Variants in BCAT1 observed in about 807,000 individuals in gnomAD.
The protein encoded by BCAT1 is branched chain amino acid transaminase 1.
In BCAT1, 48 loss-of-function variants were observed where a neutral mutation model predicts 52.4. That is an observed-to-expected ratio of 0.92 (90% CI 0.73 to 1.16). BCAT1 has a LOEUF of 1.16. Ranked by LOEUF, BCAT1 falls within the 50% of genes most tolerant of loss-of-function variation. The pLI is 0.00. For missense variants in BCAT1, 451 were observed against 457.1 expected, an observed-to-expected ratio of 0.99 and a Z score of 0.12; for synonymous variants, 167 against 161.3, an observed-to-expected ratio of 1.04 and a Z score of -0.27.
chr12:24,822,123 T>G (rs1940164782), intron 10 of BCAT1, among the ~76,000 whole-genome samples: 1 of 152,208 alleles, frequency 6.6e-6, no homozygotes, highest in South Asian at 2.1e-4. Flanking sequence ...TCTCCAAGTT[T>G]AAGTTTGGTT....
At chr12:24,829,767 T>C in intron 10 of BCAT1, 56 bp downstream of exon 10, 1 of 1,353,288 alleles carries the variant, frequency 7.4e-7, no homozygotes, top group Non-Finnish European at 1.0e-6. Flanking sequence ...AGAAATAAGG[T>C]GACATAAAAA....
rs990858367 is a variant in BCAT1, at chr12:24,848,687, T to TA, written c.674+1098dup. On this transcript the variant is annotated intron_variant, in intron 6 of 10. Coordinates refer to ENST00000261192, the MANE Select transcript of BCAT1 (RefSeq NM_005504.7). Reference sequence around the variant, plus strand: ...TGCTCTGCGAAGAAGTTTGAACCAGTAAAAAAAGAAATCAAGAGTCAAAAA... The same window carrying TA: ...TGCTCTGCGAAGAAGTTTGAACCAGTAAAAAAAAGAAATCAAGAGTCAAAAA... Among the ~76,000 whole-genome samples, 137 of 152,002 alleles carry TA rather than the reference T, an allele frequency of 9.0e-4. 1 individual carries two copies. The highest frequency in any genetic ancestry group is 2.5e-4 in the Non-Finnish European group (17 of 67,990).
intron 1 of BCAT1, among the ~76,000 whole-genome samples, chr12:24,915,685 T>C (rs1170749798): frequency 6.6e-6 from 1 of 152,240 alleles, no homozygotes; most frequent in Non-Finnish European, 1.5e-5. Flanking sequence ...GGCACAATGA[T>C]GTCTGGATTT....
intron 5 of BCAT1, among the ~76,000 whole-genome samples, chr12:24,855,802 AT>A (rs201450697): frequency 2.7e-5 from 4 of 147,608 alleles, no homozygotes; most frequent in Non-Finnish European, 6.0e-5. Flanking sequence ...TTTCTTTTTT[AT>A]TTTTTTTAGA....
chr12:24,851,628 T>A (rs1941513516), intron 5 of BCAT1, among the ~76,000 whole-genome samples: 1 of 152,206 alleles, frequency 6.6e-6, no homozygotes, highest in African/African-American at 2.4e-5. Context: ...GAGAAATCCG[T>A]CAGCAAGCAA....
At chr12:24,895,915 A>T (rs1397272021) in intron 2 of BCAT1, among the ~76,000 whole-genome samples, 8 of 152,236 alleles carry the variant, frequency 5.3e-5, no homozygotes, top group Admixed American at 5.2e-4. Context: ...TAAGGACAGA[A>T]TATTACTGTA....
Position 24,832,475 on chromosome 12 carries a change from CAGA to C in BCAT1, c.1044+245_1044+247del, listed in dbSNP as rs368695915. On this transcript the variant is annotated intron_variant, in intron 9 of 10. Coordinates refer to ENST00000261192, the MANE Select transcript of BCAT1 (RefSeq NM_005504.7). ...ATCCCAGCAACTCAGGAGGCTGAAG[CAGA>C]AGGATTGCGTGAGCCCAGGAGTTTG... is the stretch of plus-strand genomic sequence containing the variant. Among the ~76,000 whole-genome samples the C allele has an allele frequency of 2.0e-3, 307 of 152,262 alleles. 2 individuals carry two copies. Among genetic ancestry groups the C allele is most frequent in the African/African-American group, 7.2e-3 (300 of 41,548 alleles).
intron 10 of BCAT1, among the ~76,000 whole-genome samples, chr12:24,821,017 G>A (rs1448702802): frequency 2.0e-5 from 3 of 152,222 alleles, no homozygotes; most frequent in African/African-American, 7.2e-5. Flanking sequence ...AGGAGGATGT[G>A]CTGGAAACAG....
Position 24,898,903 on chromosome 12 carries a change from C to T in BCAT1, c.78+2911G>A, listed in dbSNP as rs867762406. ...TTCAAAAATCAAGTCTGTATTACAA[C>T]TGTATCAGACATTTAATAACTTTAT... On this transcript the variant is annotated intron_variant, in intron 2 of 10. Coordinates refer to ENST00000261192, the MANE Select transcript of BCAT1 (RefSeq NM_005504.7). 7.2e-5 allele frequency among the ~76,000 whole-genome samples: 11 copies of T among 152,324 alleles called. No homozygotes were observed. In the South Asian group the frequency reaches 1.9e-3, roughly 26 times the overall value.
chr12:24,897,645 C>A (rs1208450761), intron 2 of BCAT1, among the ~76,000 whole-genome samples: 1 of 152,148 alleles, frequency 6.6e-6, no homozygotes, highest in Non-Finnish European at 1.5e-5. Context: ...CCTCCGCCTC[C>A]CAGGTTCAAG....
At chr12:24,827,797 A>C (rs930180267) in intron 10 of BCAT1, among the ~76,000 whole-genome samples, 1 of 152,232 alleles carries the variant, frequency 6.6e-6, no homozygotes, top group African/African-American at 2.4e-5. Context: ...GTCTCAAAAA[A>C]ACAAACAGAA....
At chr12:24,830,235 C>T (rs1016715217) in intron 9 of BCAT1, 1 of 188,804 alleles carries the variant, frequency 5.3e-6, no homozygotes, top group Non-Finnish European at 1.1e-5. Context: ...CCTACCTCTT[C>T]CAAGATTCTG....
chr12:24,902,473 C>T, intron 1 of BCAT1: 4 of 459,718 alleles, frequency 8.7e-6, no homozygotes, highest in Non-Finnish European at 8.8e-6. Context: ...AACCTGCAGA[C>T]ATTTGTTTTA....
At chr12:24,836,666 T>A in intron 7 of BCAT1, 70 bp from the exon 8 acceptor site, 8 of 1,295,932 alleles carry the variant, frequency 6.2e-6, no homozygotes, top group Non-Finnish European at 8.7e-6. Context: ...CAATAGCCAT[T>A]TTTTTAAAAA....
At chr12:24,926,298 G>A (rs1943583687) in intron 1 of BCAT1, among the ~76,000 whole-genome samples, 1 of 152,126 alleles carries the variant, frequency 6.6e-6, no homozygotes, top group Non-Finnish European at 1.5e-5. Flanking sequence ...GAGAAGTAAA[G>A]AGCCCCTCCG....
chr12:24,855,768 CT>C (rs1186732647), intron 5 of BCAT1, among the ~76,000 whole-genome samples: 1 of 152,094 alleles, frequency 6.6e-6, no homozygotes. Context: ...CTGATTCCAT[CT>C]TTATTTTTTT....
chr12:24,882,005 C>T (rs1431026493), intron 3 of BCAT1, among the ~76,000 whole-genome samples: 1 of 152,130 alleles, frequency 6.6e-6, no homozygotes, highest in Non-Finnish European at 1.5e-5. Flanking sequence ...TCAGTAGATA[C>T]ATACTGATAA....
chr12:24,881,799 A>C (rs975787150), intron 3 of BCAT1, among the ~76,000 whole-genome samples: 3 of 152,160 alleles, frequency 2.0e-5, no homozygotes, highest in African/African-American at 7.2e-5. Context: ...GCCCCCAAAG[A>C]GTACCCCCAT....
intron 5 of BCAT1, among the ~76,000 whole-genome samples, chr12:24,875,966 C>T (rs1389249868): frequency 6.6e-6 from 1 of 152,076 alleles, no homozygotes; most frequent in Non-Finnish European, 1.5e-5. Flanking sequence ...AAACATCCAT[C>T]GTATCTTAGC....
Sources: allele counts gnomAD v4.1 joint callset (sites outside exome capture counted in the v4.1 genomes callset), GRCh38; gene constraint gnomAD v4.1.1; transcripts MANE v1.5; gene names NCBI Gene and HGNC (gene_info 2026-07-23, HGNC 2026-07-21).